ZAP70: variants seen among roughly 807,000 people sequenced by gnomAD.
ZAP70 encodes tyrosine-protein kinase ZAP-70.
In ZAP70, 27 loss-of-function variants were observed where a neutral mutation model predicts 65.8. The observed-to-expected ratio is 0.41, with a 90% CI of 0.30 to 0.57. The LOEUF (loss-of-function observed/expected upper bound fraction) is 0.57, where lower values mean the gene tolerates loss of function less well. Among genes scored for constraint, ZAP70 ranks in the 20% least tolerant of loss-of-function variants. The pLI is 0.28. For missense variants in ZAP70, 696 were observed against 870.5 expected (o/e 0.80, Z 2.52); for synonymous variants, 363 against 360.8 (o/e 1.01, Z -0.07).
intron 4 of ZAP70, among the ~76,000 whole-genome samples, chr2:97,725,629 G>A (rs1244374239): frequency 2.0e-5 from 3 of 152,220 alleles, no homozygotes; most frequent in Non-Finnish European, 2.9e-5. Context: ...AAAAGACACA[G>A]TGCCTGTCCT....
intron 10 of ZAP70, among the ~76,000 whole-genome samples, chr2:97,735,735 C>T (rs907219696): frequency 6.6e-5 from 10 of 152,122 alleles, no homozygotes; most frequent in South Asian, 2.1e-4. Context: ...CTGCTAGGGC[C>T]GGGTGCGGTG....
Position 97,734,636 on chromosome 2 carries a change from A to G in ZAP70, c.1006A>G (p.Asn336Asp), listed in dbSNP as rs767197242. Residue 336 changes from asparagine to aspartate, a missense_variant, in exon 9 of 14, where the codon AAC becomes GAC. By Grantham distance (23) the Asn-to-Asp change is conservative. Transcript: ENST00000264972. The stretch of plus-strand genomic sequence containing the variant: ...CAAGAAGCTCTTCCTGAAGCGCGAT[A>G]ACCTCCTCATAGCTGACATTGAACT... Reference protein sequence around the residue: ...KDKKLFLKRDNLLIADIELGC... With the variant: ...KDKKLFLKRDDLLIADIELGC... The G allele has an allele frequency of 1.2e-6, 2 of 1,614,214 alleles. No individual in the cohort carries two copies. Among genetic ancestry groups the G allele is most frequent in the South Asian group, 2.2e-5 (2 of 91,088 alleles).
intron 2 of ZAP70, among the ~76,000 whole-genome samples, chr2:97,714,207 C>G (rs560955581): frequency 3.3e-5 from 5 of 152,164 alleles, no homozygotes; most frequent in African/African-American, 1.2e-4. Context: ...AGAGGCTTGG[C>G]CGAGCGGGGC....
downstream of ZAP70, among the ~76,000 whole-genome samples, chr2:97,742,491 G>A (rs1200178806): frequency 3.3e-5 from 5 of 152,236 alleles, no homozygotes; most frequent in African/African-American, 7.2e-5. Context: ...GGCCAAGGGC[G>A]TAGGCTGCCC....
At chr2:97,742,525 G>A (rs1190127841), downstream of ZAP70, among the ~76,000 whole-genome samples, 4 of 152,240 alleles carry the variant, frequency 2.6e-5, no homozygotes, top group African/African-American at 9.6e-5. Flanking sequence ...GTGAGGATAT[G>A]GTGAATCAGT....
rs533287106 is a variant in ZAP70, at chr2:97,736,813, G to A, written c.1290-660G>A. Among the ~76,000 whole-genome samples the A allele has an allele frequency of 4.6e-5, 7 of 152,270 alleles. No individual in the cohort carries two copies. The South Asian group carries it at 8.3e-4, about 18-fold the overall frequency. On this transcript the variant is annotated intron_variant, in intron 10 of 13. Coordinates refer to ENST00000264972, the MANE Select transcript of ZAP70 (RefSeq NM_001079.4). This position sits in a 1 kb window ranked among gnomAD's most constrained non-coding sequence, Gnocchi z 4.0. ...ATGAGCAGACCGTGCCAGGCCTTGC[G>A]GGCTGCCAGGAGGACTTGGAGTTTT...
At chr2:97,730,974 G>A (rs1224338989) in intron 4 of ZAP70, among the ~76,000 whole-genome samples, 2 of 151,542 alleles carry the variant, frequency 1.3e-5, no homozygotes, top group Non-Finnish European at 2.9e-5. Context: ...AGAATGGCAT[G>A]GACCCAGGAG....
Position 97,720,741 on chromosome 2 carries a change from A to T in ZAP70, c.-21-3275A>T, listed in dbSNP as rs72951139. On this transcript the variant is annotated intron_variant, in intron 2 of 13. Coordinates refer to ENST00000264972, the MANE Select transcript of ZAP70 (RefSeq NM_001079.4). ...ATGCAGTCCCTTATGAATCTCTGGA[A>T]CACCCACCTGTCTGTAACTGTTGGG... Among the ~76,000 whole-genome samples, 1,519 of 152,258 alleles carry T rather than the reference A, an allele frequency of 1.0e-2. 30 individuals carry two copies. Among genetic ancestry groups the T allele is most frequent in the African/African-American group, 0.035 (1,442 of 41,528 alleles).
At chr2:97,723,751 G>A (rs1264088611) in intron 2 of ZAP70, among the ~76,000 whole-genome samples, 1 of 152,222 alleles carries the variant, frequency 6.6e-6, no homozygotes, top group Admixed American at 6.5e-5. Flanking sequence ...TACAGGTGTG[G>A]GTGCTTGGGG....
chr2:97,742,427 T>C (rs1341837191), downstream of ZAP70, among the ~76,000 whole-genome samples: 1 of 152,262 alleles, frequency 6.6e-6, no homozygotes. Context: ...CATGGCCTCA[T>C]GCCCAGCACA....
intron 4 of ZAP70, among the ~76,000 whole-genome samples, chr2:97,727,727 C>T (rs1213893695): frequency 6.6e-6 from 1 of 152,152 alleles, no homozygotes; most frequent in African/African-American, 2.4e-5. Context: ...TGAGTTTCTT[C>T]TCTGTTTTCC....
chr2:97,741,787 T>A (rs1373067375), downstream of ZAP70, among the ~76,000 whole-genome samples: 2 of 152,208 alleles, frequency 1.3e-5, no homozygotes, highest in Non-Finnish European at 2.9e-5. Flanking sequence ...AGAGCACACC[T>A]CTTCTCCAAA....
intron 2 of ZAP70, among the ~76,000 whole-genome samples, chr2:97,722,859 G>A (rs1264667761): frequency 6.6e-6 from 1 of 152,140 alleles, no homozygotes; most frequent in Non-Finnish European, 1.5e-5. Context: ...TTAGATTACA[G>A]TCCTCAGTTC....
rs17488834 is a variant in ZAP70 at position 97,737,676 on chromosome 2, G to T, written c.1482+11G>T. On this transcript the variant is annotated intron_variant, in intron 11 of 13. Coordinates refer to ENST00000264972, the MANE Select transcript of ZAP70 (RefSeq NM_001079.4). This position sits in a 1 kb window ranked among gnomAD's most constrained non-coding sequence, Gnocchi z 5.0. ...GACAGCTACTACACTGTAAGCCTCTGCCCCTGTGATGCCCGACTGGATGGG... is the reference window on the plus strand; with the variant it reads ...GACAGCTACTACACTGTAAGCCTCTTCCCCTGTGATGCCCGACTGGATGGG... 0.33 allele frequency: 527,896 copies of T among 1,613,806 alleles called. 94,952 individuals are homozygous for T. Among genetic ancestry groups the T allele is most frequent in the Non-Finnish European group, 0.36 (425,687 of 1,179,900 alleles).
downstream of ZAP70, among the ~76,000 whole-genome samples, chr2:97,744,291 G>C (rs1678197541): frequency 6.6e-6 from 1 of 152,158 alleles, no homozygotes; most frequent in Admixed American, 6.5e-5. Flanking sequence ...CTACCCTGTA[G>C]ACACGCTAAA....
intron 2 of ZAP70, among the ~76,000 whole-genome samples, chr2:97,721,459 G>A (rs1230992646): frequency 6.6e-6 from 1 of 152,090 alleles, no homozygotes; most frequent in East Asian, 1.9e-4. Context: ...TGTCGCCCAG[G>A]CTGGAGTGCA....
chr2:97,740,760 G>A (rs765082485), downstream of ZAP70, among the ~76,000 whole-genome samples: 46 of 152,224 alleles, frequency 3.0e-4, no homozygotes, highest in Non-Finnish European at 5.6e-4. Flanking sequence ...ACCTCTGCAC[G>A]TCTCCTTTTC....
At position 97,737,608 on chromosome 2, in the gene ZAP70, C is replaced by G. The variant is rs1352075981; in HGVS notation, c.1425C>G (p.Ala475=). The G allele has an allele frequency of 6.2e-7, 1 of 1,614,126 alleles. No individual in the cohort carries two copies. The highest frequency in any genetic ancestry group is 8.5e-7 in the Non-Finnish European group (1 of 1,179,992). The change falls in exon 11 of 14, where the codon GCC becomes GCG. Residue 475 remains alanine (A), a synonymous_variant. Coordinates refer to ENST00000264972, the MANE Select transcript of ZAP70 (RefSeq NM_001079.4). The surrounding 1 kb of genome is among the most constrained non-coding windows in gnomAD (Gnocchi z 5.0). ...RNVLLVNRHY[A]KISDFGLSKA... is the part of the protein sequence containing the mutation. ...TCCTGCTGGTTAACCGGCACTACGC[C>G]AAGATCAGCGACTTTGGCCTCTCCA...
chr2:97,726,594 A>C (rs553224602), intron 4 of ZAP70, among the ~76,000 whole-genome samples: 13 of 152,328 alleles, frequency 8.5e-5, no homozygotes, highest in African/African-American at 3.1e-4. Flanking sequence ...GATTTTCCTC[A>C]CCCATGTGAA....
Sources: allele counts gnomAD v4.1 joint callset (sites outside exome capture counted in the v4.1 genomes callset), GRCh38; gene constraint gnomAD v4.1.1; non-coding constraint Gnocchi (gnomAD v3.1); transcripts MANE v1.5; gene names NCBI Gene and HGNC (gene_info 2026-07-23, HGNC 2026-07-21).